The following SIAH1 variants were observed in gnomAD, a reference collection of about 807,000 sequenced individuals.
SIAH1 encodes E3 ubiquitin-protein ligase SIAH1.
SIAH1 carries 2 observed loss-of-function variants against 20.0 expected under a neutral mutation model. The ratio of observed to expected loss-of-function variants is 0.10; its 90% CI spans 0.04 to 0.31. The LOEUF (loss-of-function observed/expected upper bound fraction) is 0.31. Ranked by LOEUF, SIAH1 falls within the 10% of genes least tolerant of loss-of-function variation. The pLI, the probability that SIAH1 is intolerant of heterozygous loss-of-function variation, is 1.00. For synonymous variants in SIAH1, 118 were observed against 125.3 expected (o/e 0.94, Z 0.39); for missense variants, 119 against 355.3 (o/e 0.33, Z 5.35).
At chr16:48,372,598 A>G (rs1276204610) in intron 1 of SIAH1, among the ~76,000 whole-genome samples, 1 of 152,186 alleles carries the variant, frequency 6.6e-6, no homozygotes. Flanking sequence ...CAAGCTAGAG[A>G]AAAGCTGAGG....
chr16:48,362,069 G>C lies in SIAH1; in HGVS notation c.360C>G (p.Leu120=). The change falls in exon 2 of 2, where the codon CTC becomes CTG. Residue 120 remains leucine (L), a synonymous_variant. Transcript: ENST00000394725. The surrounding 1 kb of genome is among the most constrained non-coding windows in gnomAD (Gnocchi z 4.2). ...PHTEKADHEE[L]CEFRPYSCPC... ...GACAGGAATAAGGCCTAAACTCACAGAGCTCTTCATGGTCTGCTTTTTCTG... is the reference window on the plus strand; with the variant it reads ...GACAGGAATAAGGCCTAAACTCACACAGCTCTTCATGGTCTGCTTTTTCTG... The C allele has an allele frequency of 1.9e-6, 3 of 1,614,192 alleles. No homozygotes were observed. The highest frequency in any genetic ancestry group is 2.5e-6 in the Non-Finnish European group (3 of 1,180,044).
At chr16:48,382,950 CTAGA>C (rs1389871825) in intron 1 of SIAH1, among the ~76,000 whole-genome samples, 2 of 152,192 alleles carry the variant, frequency 1.3e-5, no homozygotes, top group East Asian at 1.9e-4. Context: ...ACTGACATAG[CTAGA>C]TAATTCCTTC....
intron 1 of SIAH1, among the ~76,000 whole-genome samples, chr16:48,384,891 G>A (rs1360900552): frequency 1.4e-5 from 2 of 145,432 alleles, no homozygotes; most frequent in South Asian, 2.1e-4. Flanking sequence ...CGCGGGGGCC[G>A]GGCCGCCGCC....
At chr16:48,365,302 GC>G in intron 1 of SIAH1, 1 of 1,400,740 alleles carries the variant, frequency 7.1e-7, no homozygotes, top group Non-Finnish European at 9.9e-7. Context: ...TTCTGCTGCA[GC>G]CATTCCCTAA....
At chr16:48,380,777 A>T (rs1961256759) in intron 1 of SIAH1, among the ~76,000 whole-genome samples, 1 of 151,646 alleles carries the variant, frequency 6.6e-6, no homozygotes, top group Admixed American at 6.6e-5. Context: ...TAAAAAGAAA[A>T]ATTAGCCGGG....
At chr16:48,366,028 G>A (rs1960826443) in intron 1 of SIAH1, 2 of 550,474 alleles carry the variant, frequency 3.6e-6, no homozygotes, top group Admixed American at 5.7e-5. Context: ...CTCGCGCAAG[G>A]GTGGGGCCGT....
chr16:48,368,406 C>CA (rs920750862), intron 1 of SIAH1, among the ~76,000 whole-genome samples: 3 of 152,158 alleles, frequency 2.0e-5, no homozygotes, highest in Non-Finnish European at 4.4e-5. Flanking sequence ...ACAACAACAA[C>CA]AAAAAACAGC....
In SIAH1 at chr16:48,362,482, AC is replaced by A; in HGVS notation, c.-2-53del. The A allele has an allele frequency of 6.3e-7, 1 of 1,577,262 alleles. No individual in the cohort carries two copies. Reference sequence around the variant, plus strand: ...AGAAAAATAATTATAACCATGACTTACTTTATAAATAATGTTTACATGCCAT... The same window carrying A: ...AGAAAAATAATTATAACCATGACTTATTTATAAATAATGTTTACATGCCAT... On this transcript the variant is annotated intron_variant, in intron 1 of 1. Transcript: ENST00000394725. This position sits in a 1 kb window ranked among gnomAD's most constrained non-coding sequence, Gnocchi z 4.2.
At chr16:48,364,274 T>A (rs1960741139) in intron 1 of SIAH1, among the ~76,000 whole-genome samples, 1 of 152,122 alleles carries the variant, frequency 6.6e-6, no homozygotes. Flanking sequence ...GCCTCAAAAT[T>A]AATGTTTTAT....
intron 1 of SIAH1, among the ~76,000 whole-genome samples, chr16:48,380,194 C>T (rs941558836): frequency 6.6e-6 from 1 of 152,198 alleles, no homozygotes; most frequent in Non-Finnish European, 1.5e-5. Context: ...GTAATCCCAG[C>T]ACTTTGGGAG....
At chr16:48,373,395 A>G (rs1401939273) in intron 1 of SIAH1, among the ~76,000 whole-genome samples, 1 of 152,158 alleles carries the variant, frequency 6.6e-6, no homozygotes. Flanking sequence ...CCTTTTTTCA[A>G]TTAATAGAGA....
intron 1 of SIAH1, among the ~76,000 whole-genome samples, chr16:48,374,026 A>G (rs1030321622): frequency 1.3e-5 from 2 of 152,240 alleles, no homozygotes; most frequent in Non-Finnish European, 2.9e-5. Context: ...CAGACCCTCT[A>G]TTTAAAATAG....
intron 1 of SIAH1, among the ~76,000 whole-genome samples, chr16:48,373,871 T>C (rs1752405145): frequency 6.6e-6 from 1 of 152,242 alleles, no homozygotes; most frequent in African/African-American, 2.4e-5. Context: ...TGTTCCCCTT[T>C]ACTCACTGCA....
At chr16:48,386,583 T>C (rs1281512395), upstream of SIAH1, among the ~76,000 whole-genome samples, 1 of 152,230 alleles carries the variant, frequency 6.6e-6, no homozygotes, top group Non-Finnish European at 1.5e-5. Flanking sequence ...ATAAAGTTTA[T>C]ATGTGCAAAA....
intron 1 of SIAH1, among the ~76,000 whole-genome samples, chr16:48,379,055 T>C (rs1961185704): frequency 6.6e-6 from 1 of 152,276 alleles, no homozygotes; most frequent in Non-Finnish European, 1.5e-5. Flanking sequence ...TTTACAACAC[T>C]TGCTGTGTTA....
At chr16:48,369,565 C>T (rs908026986) in intron 1 of SIAH1, among the ~76,000 whole-genome samples, 1 of 151,950 alleles carries the variant, frequency 6.6e-6, no homozygotes, top group Non-Finnish European at 1.5e-5. Context: ...ATACTGAGAC[C>T]TCATCTCCAC....
intron 1 of SIAH1, among the ~76,000 whole-genome samples, chr16:48,381,164 T>C (rs1219324090): frequency 1.3e-5 from 2 of 151,736 alleles, no homozygotes; most frequent in Non-Finnish European, 2.9e-5. Flanking sequence ...GGCCGACATG[T>C]TGAAACCCTG....
At chr16:48,369,179 A>G (rs905019161) in intron 1 of SIAH1, among the ~76,000 whole-genome samples, 2 of 152,250 alleles carry the variant, frequency 1.3e-5, no homozygotes, top group Non-Finnish European at 2.9e-5. Context: ...CCAGAACTGT[A>G]GCAAAGCAAT....
chr16:48,374,197 T>G lies in SIAH1; in HGVS notation c.-3+11007A>C, dbSNP rs553670939. 2.4e-4 allele frequency among the ~76,000 whole-genome samples: 37 copies of G among 152,340 alleles called. 1 individual carries two copies. The South Asian group carries it at 7.3e-3, about 30-fold the overall frequency. On this transcript the variant is annotated intron_variant, in intron 1 of 1. Coordinates refer to ENST00000394725, the MANE Select transcript of SIAH1 (RefSeq NM_003031.4). ...TGTTATAGGCGCCCACTGTCCTCAA[T>G]TGGAAGGTAGGATTTTTGTCTGGCT...
Sources: gnomAD v4.1 joint callset for allele counts (sites outside exome capture counted in the v4.1 genomes callset) on GRCh38, gnomAD v4.1.1 for gene constraint, Gnocchi (gnomAD v3.1) non-coding constraint, MANE v1.5 for transcripts, NCBI Gene and HGNC (gene_info 2026-07-23, HGNC 2026-07-21) for gene names.